Variants in SPAG16 observed in about 807,000 individuals in gnomAD.
SPAG16 encodes sperm-associated antigen 16 protein.
A neutral mutation model predicts 80.4 loss-of-function variants in SPAG16; 86 were observed. That is an observed-to-expected ratio of 1.07 (90% CI 0.90 to 1.28). The LOEUF (loss-of-function observed/expected upper bound fraction) is 1.28. Ranked by LOEUF, SPAG16 falls within the 50% of genes most tolerant of loss-of-function variation. The probability of loss-of-function intolerance (pLI) is 0.00; values close to 1 mark genes in which losing one functional copy is unlikely to be tolerated. For missense variants in SPAG16, 870 were observed against 765.3 expected (o/e 1.14, Z -1.61); for synonymous variants, 294 against 265.9 (o/e 1.11, Z -1.03).
At chr2:213,681,349 C>T (rs1357473600) in intron 10 of SPAG16, among the ~76,000 whole-genome samples, 1 of 152,192 alleles carries the variant, frequency 6.6e-6, no homozygotes, top group African/African-American at 2.4e-5. Flanking sequence ...GGTTGTCAGG[C>T]ATGACTCCCT....
intron 12 of SPAG16, among the ~76,000 whole-genome samples, chr2:213,939,575 G>T (rs2079117255): frequency 6.6e-6 from 1 of 152,142 alleles, no homozygotes; most frequent in East Asian, 1.9e-4. Context: ...TTACAAAGAT[G>T]ATTTTTGTTT....
chr2:213,955,256 A>G (rs77996671), intron 12 of SPAG16, among the ~76,000 whole-genome samples: 13,096 of 152,102 alleles, frequency 0.086, 718 homozygotes, highest in African/African-American at 0.16. Flanking sequence ...ACAAGATAAT[A>G]AGCATTTACT....
intron 10 of SPAG16, among the ~76,000 whole-genome samples, chr2:213,780,614 A>G (rs1284107116): frequency 2.8e-5 from 4 of 144,080 alleles, no homozygotes; most frequent in Admixed American, 7.3e-5. Context: ...GTGAATCTCA[A>G]CTATCTTAGG....
intron 13 of SPAG16, among the ~76,000 whole-genome samples, chr2:214,085,207 G>C (rs904364291): frequency 2.6e-5 from 4 of 151,942 alleles, no homozygotes; most frequent in African/African-American, 9.7e-5. Context: ...ACAAGAGTGA[G>C]TCAAAAGACT....
rs891797808 is a variant in SPAG16, at chr2:214,316,152, T to C, written c.1721-93988T>C. The stretch of plus-strand genomic sequence containing the variant: ...GACCTTTTACTTTTTGGGTTTTTTT[T>C]TTTTTTAGATTTTCTTTGCAATTTA... On this transcript the variant is annotated intron_variant, in intron 15 of 15. Transcript: ENST00000331683. Among the ~76,000 whole-genome samples, 1,169 of 152,012 alleles carry C rather than the reference T, an allele frequency of 7.7e-3. 17 individuals carry two copies. The highest frequency in any genetic ancestry group is 0.027 in the African/African-American group (1,129 of 41,530).
chr2:213,779,801 A>G (rs947982233), intron 10 of SPAG16, among the ~76,000 whole-genome samples: 1 of 152,216 alleles, frequency 6.6e-6, no homozygotes, highest in Non-Finnish European at 1.5e-5. Context: ...ATGTAAGGGA[A>G]GTCTGAATAC....
At chr2:214,305,023 A>T (rs552720005) in intron 15 of SPAG16, among the ~76,000 whole-genome samples, 29 of 152,152 alleles carry the variant, frequency 1.9e-4, no homozygotes, top group African/African-American at 7.0e-4. Context: ...TCTCTCCACA[A>T]CCTCACCAGA....
intron 13 of SPAG16, among the ~76,000 whole-genome samples, chr2:214,069,688 T>C (rs1196967994): frequency 6.6e-6 from 1 of 152,140 alleles, no homozygotes; most frequent in Non-Finnish European, 1.5e-5. Context: ...TCTAAGCTTG[T>C]TCCCTTCTGT....
chr2:213,975,212 C>T (rs978901890), intron 12 of SPAG16, among the ~76,000 whole-genome samples: 2 of 150,612 alleles, frequency 1.3e-5, no homozygotes, highest in African/African-American at 2.4e-5. Context: ...ACTTTCTATT[C>T]ATATATTTAA....
At chr2:213,358,165 C>CCT in intron 7 of SPAG16, among the ~76,000 whole-genome samples, 1 of 151,940 alleles carries the variant, frequency 6.6e-6, no homozygotes, top group Non-Finnish European at 1.5e-5. Flanking sequence ...TGTAACCTGC[C>CCT]CTCTCTCTCT....
intron 15 of SPAG16, among the ~76,000 whole-genome samples, chr2:214,257,200 TAAAA>T (rs550956823): frequency 1.3e-5 from 2 of 151,778 alleles, no homozygotes; most frequent in East Asian, 3.9e-4. Context: ...GCTGCTAGTA[TAAAA>T]AAAATGTGAT....
At chr2:213,738,883 G>A (rs542256597) in intron 10 of SPAG16, among the ~76,000 whole-genome samples, 2 of 152,302 alleles carry the variant, frequency 1.3e-5, no homozygotes, top group South Asian at 4.1e-4. Flanking sequence ...TTCATTGCCA[G>A]TATGACATTC....
At chr2:213,934,744 G>T (rs369057281) in intron 12 of SPAG16, among the ~76,000 whole-genome samples, 10 of 152,076 alleles carry the variant, frequency 6.6e-5, no homozygotes, top group African/African-American at 2.4e-4. Flanking sequence ...CCTCATTCTT[G>T]CCCCCTTGTG....
At chr2:213,299,472 G>A (rs552431714) in intron 3 of SPAG16, among the ~76,000 whole-genome samples, 6 of 151,176 alleles carry the variant, frequency 4.0e-5, no homozygotes, top group African/African-American at 1.5e-4. Context: ...TAGAGACGGG[G>A]TTTCACCATG....
chr2:214,105,198 G>T (rs1301434528), intron 13 of SPAG16, among the ~76,000 whole-genome samples: 2 of 152,074 alleles, frequency 1.3e-5, no homozygotes, highest in Non-Finnish European at 2.9e-5. Context: ...GAGGGCAACA[G>T]AACAAACAGC....
At chr2:213,863,685 T>C (rs1334310114) in intron 11 of SPAG16, among the ~76,000 whole-genome samples, 1 of 151,982 alleles carries the variant, frequency 6.6e-6, no homozygotes, top group Admixed American at 6.6e-5. Context: ...GCAGAGACAA[T>C]ACAATTAGAA....
chr2:213,302,419 A>G (rs1201365739), intron 3 of SPAG16: 1 of 152,160 alleles, frequency 6.6e-6, no homozygotes, highest in Non-Finnish European at 1.5e-5. Flanking sequence ...AAAATTTGTA[A>G]CAAAAGAGCT....
intron 12 of SPAG16, among the ~76,000 whole-genome samples, chr2:213,932,169 TATATATATATATATATATATATATATATA>T (rs1559602401): frequency 6.2e-5 from 8 of 129,174 alleles, no homozygotes; most frequent in Admixed American, 2.3e-4. Context: ...TATATATATA[TATATATATATATATATATATATATATATA>T]TTTGTTGTTG....
At chr2:213,555,779 G>C (rs1292377478) in intron 10 of SPAG16, among the ~76,000 whole-genome samples, 1 of 152,072 alleles carries the variant, frequency 6.6e-6, no homozygotes, top group Non-Finnish European at 1.5e-5. Context: ...ACTGGTAAAA[G>C]TAAGTAAACA....
Sources: gnomAD v4.1 joint callset for allele counts (sites outside exome capture counted in the v4.1 genomes callset) on GRCh38, gnomAD v4.1.1 for gene constraint, MANE v1.5 for transcripts, NCBI Gene and HGNC (gene_info 2026-07-23, HGNC 2026-07-21) for gene names.